Variants in ANXA7 observed in about 807,000 individuals in gnomAD.
The protein encoded by ANXA7 is annexin A7, also known as annexin VII.
A neutral mutation model predicts 64.9 loss-of-function variants in ANXA7; 55 were observed. That is an observed-to-expected ratio of 0.85 (90% CI 0.68 to 1.06). The LOEUF (loss-of-function observed/expected upper bound fraction) is 1.06, where lower values mean the gene tolerates loss of function less well. Among genes scored for constraint, ANXA7 ranks in the 50% least tolerant of loss-of-function variants. The probability of loss-of-function intolerance (pLI) is 0.00; values close to 1 mark genes in which losing one functional copy is unlikely to be tolerated. For synonymous variants in ANXA7, 200 were observed against 192.4 expected, an observed-to-expected ratio of 1.04 and a Z score of -0.33; for missense variants, 548 against 582.1, an observed-to-expected ratio of 0.94 and a Z score of 0.60.
chr10:73,388,024 TTTTTA>T (rs1338772676), intron 6 of ANXA7, among the ~76,000 whole-genome samples: 4 of 152,030 alleles, frequency 2.6e-5, no homozygotes, highest in Non-Finnish European at 5.9e-5. Context: ...ACTATTTTAC[TTTTTA>T]TTTTTAGTAC....
intron 12 of ANXA7, 111 bp downstream of exon 12, chr10:73,378,800 G>T: frequency 1.3e-6 from 1 of 762,850 alleles, no homozygotes. Flanking sequence ...AGGTGGCAAA[G>T]AGAGCTCTTT....
intron 3 of ANXA7, among the ~76,000 whole-genome samples, chr10:73,397,542 C>G (rs567490520): frequency 1.3e-5 from 2 of 152,170 alleles, no homozygotes; most frequent in Non-Finnish European, 2.9e-5. Flanking sequence ...ACTGCAAACT[C>G]TACCTACCAC....
At chr10:73,377,767 GGTGTGGGTGTGT>G (rs1359532605) in intron 12 of ANXA7, among the ~76,000 whole-genome samples, 1 of 114,204 alleles carries the variant, frequency 8.8e-6, no homozygotes, top group Admixed American at 8.1e-5. Context: ...CCGGGGGGTG[GGTGTGGGTGTGT>G]GTGTGTGTGT....
chr10:73,398,540 T>C (rs1332564667), intron 2 of ANXA7, among the ~76,000 whole-genome samples, 155 bp from the exon 3 acceptor site: 1 of 152,202 alleles, frequency 6.6e-6, no homozygotes, highest in Non-Finnish European at 1.5e-5. Flanking sequence ...TACTAGTTTA[T>C]CAGTATACCA....
At chr10:73,404,838 G>A (rs1394080449) in intron 1 of ANXA7, among the ~76,000 whole-genome samples, 5 of 151,952 alleles carry the variant, frequency 3.3e-5, no homozygotes, top group Admixed American at 6.6e-5. Context: ...TCTAAAACAC[G>A]GCCAGGCGCA....
At chr10:73,379,161 G>T in intron 11 of ANXA7, 138 bp from the exon 12 acceptor site, 1 of 561,512 alleles carries the variant, frequency 1.8e-6, no homozygotes, top group Non-Finnish European at 3.0e-6. Flanking sequence ...AGTTAAGAGT[G>T]TTCAGATGCT....
At chr10:73,384,594 G>A (rs984100274) in intron 7 of ANXA7, among the ~76,000 whole-genome samples, 1 of 152,158 alleles carries the variant, frequency 6.6e-6, no homozygotes, top group Non-Finnish European at 1.5e-5. Flanking sequence ...TAGAGATGGG[G>A]TTTCACATGT....
At chr10:73,412,617 C>A (rs1215845568) in intron 1 of ANXA7, among the ~76,000 whole-genome samples, 3 of 151,420 alleles carry the variant, frequency 2.0e-5, no homozygotes, top group Non-Finnish European at 4.4e-5. Flanking sequence ...CCTCAGCCTC[C>A]AGAGTAGCTG....
intron 5 of ANXA7, chr10:73,396,212 G>T: frequency 1.3e-6 from 1 of 753,720 alleles, no homozygotes; most frequent in Non-Finnish European, 2.3e-6. Context: ...CAAATTCATA[G>T]GTGTAACTGC....
At position 73,412,499 on chromosome 10, in the gene ANXA7, G is replaced by GTTT. The variant is rs575394324; in HGVS notation, c.-2+1510_-2+1512dup. On this transcript the variant is annotated intron_variant, in intron 1 of 12. Coordinates refer to ENST00000372921, the MANE Select transcript of ANXA7 (RefSeq NM_001156.5). Reference sequence around the variant, plus strand: ...GAATAGTAAGTCTAGAGTTTTTTGGGTTTTTTTTTTTTTTGTGACAGAGTT... The same window carrying GTTT: ...GAATAGTAAGTCTAGAGTTTTTTGGGTTTTTTTTTTTTTTTTTGTGACAGAGTT... Among the ~76,000 whole-genome samples, 4 of 140,612 alleles carry GTTT rather than the reference G, an allele frequency of 2.8e-5. No individual in the cohort carries two copies. In the East Asian group the frequency reaches 6.3e-4, roughly 22 times the overall value. The allele number at this position is 140,612 out of a possible 152,430, so 92.2% of individuals were successfully genotyped here. A position where few individuals can be genotyped will look rare whatever the true frequency, so the allele number is the denominator to read the frequency against.
rs376377721 is a variant in ANXA7 at position 73,380,018 on chromosome 10, G to A, written c.1089+13C>T. The A allele has an allele frequency of 5.0e-6, 8 of 1,611,514 alleles. No individual in the cohort carries two copies. Among genetic ancestry groups the A allele is most frequent in the African/African-American group, 1.3e-5 (1 of 74,634 alleles). ...TACAGCAGAAGCCAAATCTTCAAAAGAAAAGCTCATACCCTAGAATAAGCC... is the reference window on the plus strand; with the variant it reads ...TACAGCAGAAGCCAAATCTTCAAAAAAAAAGCTCATACCCTAGAATAAGCC... On this transcript the variant is annotated intron_variant, in intron 10 of 12. Coordinates refer to ENST00000372921, the MANE Select transcript of ANXA7 (RefSeq NM_001156.5).
At chr10:73,384,847 A>G (rs1351603522) in intron 7 of ANXA7, among the ~76,000 whole-genome samples, 1 of 152,216 alleles carries the variant, frequency 6.6e-6, no homozygotes, top group Non-Finnish European at 1.5e-5. Flanking sequence ...GAGCTCAGAG[A>G]AAAATGTAAA....
intron 5 of ANXA7, among the ~76,000 whole-genome samples, chr10:73,391,630 C>G (rs1430596608): frequency 6.6e-6 from 1 of 152,080 alleles, no homozygotes; most frequent in Middle Eastern, 3.2e-3. Context: ...ATTGAACAAA[C>G]AAATGAAACA....
At chr10:73,401,054 C>T (rs761376031) in intron 1 of ANXA7, among the ~76,000 whole-genome samples, 197 bp from the exon 2 acceptor site, 2 of 151,756 alleles carry the variant, frequency 1.3e-5, no homozygotes, top group African/African-American at 2.4e-5. Context: ...TACAGGTGCA[C>T]GCCACCATGC....
rs368036663 is a variant in ANXA7, at chr10:73,377,773, GGT to G, written c.1278+1136_1278+1137del. Among the ~76,000 whole-genome samples, 157 of 124,658 alleles carry G rather than the reference GGT, an allele frequency of 1.3e-3. 1 individual carries two copies. Among genetic ancestry groups the G allele is most frequent in the Admixed American group, 2.0e-3 (26 of 12,792 alleles). 81.8% of individuals were successfully genotyped at this position (124,658 alleles called of 152,430 possible). A position where few individuals can be genotyped will look rare whatever the true frequency, so the allele number is the denominator to read the frequency against. On this transcript the variant is annotated intron_variant, in intron 12 of 12. Transcript: ENST00000372921. ...ACTACCATGCCGGGGGGTGGGTGTG[GGT>G]GTGTGTGTGTGTGTGTGTGTGTGTG...
At chr10:73,407,498 G>A (rs1022643680) in intron 1 of ANXA7, among the ~76,000 whole-genome samples, 4 of 152,142 alleles carry the variant, frequency 2.6e-5, no homozygotes, top group Non-Finnish European at 4.4e-5. Context: ...TATGGATTCT[G>A]CAGGTCTGTG....
chr10:73,383,134 T>C (rs2055300960), intron 9 of ANXA7, 41 bp downstream of exon 9: 2 of 1,538,292 alleles, frequency 1.3e-6, no homozygotes, highest in Non-Finnish European at 1.8e-6. Flanking sequence ...TTTTAAAGTA[T>C]GTTCCCTCTA....
chr10:73,397,133 T>C (rs373985119), intron 4 of ANXA7, 31 bp downstream of exon 4: 10 of 1,262,552 alleles, frequency 7.9e-6, no homozygotes, highest in African/African-American at 1.5e-5. Context: ...AATATCATGA[T>C]ACTGTTTTTT....
intron 7 of ANXA7, among the ~76,000 whole-genome samples, chr10:73,387,132 A>G (rs552770920): frequency 3.3e-5 from 5 of 152,294 alleles, no homozygotes; most frequent in African/African-American, 1.2e-4. Flanking sequence ...TGTAGTTGTG[A>G]TCTACTTTCT....
Sources: allele counts gnomAD v4.1 joint callset (sites outside exome capture counted in the v4.1 genomes callset), GRCh38; gene constraint gnomAD v4.1.1; transcripts MANE v1.5; gene names NCBI Gene and HGNC (gene_info 2026-07-23, HGNC 2026-07-21).